The following JAKMIP1 variants were observed in gnomAD, a reference collection of about 807,000 sequenced individuals.
JAKMIP1 encodes the protein janus kinase and microtubule interacting protein 1, also known as janus kinase and microtubule-interacting protein 1.
Under a neutral mutation model 113.0 loss-of-function variants are expected in JAKMIP1, and 33 were observed. The ratio of observed to expected loss-of-function variants is 0.29; its 90% confidence interval spans 0.22 to 0.39. The LOEUF is 0.39. Among genes scored for constraint, JAKMIP1 ranks in the 10% least tolerant of loss-of-function variants. JAKMIP1 has a pLI of 1.00. For synonymous variants in JAKMIP1, 480 were observed against 459.9 expected (o/e 1.04, Z -0.56); for missense variants, 813 against 1,080.5 (o/e 0.75, Z 3.47).
intron 17 of JAKMIP1, among the ~76,000 whole-genome samples, 174 bp downstream of exon 17, chr4:6,041,985 G>A (rs774560357): frequency 2.0e-5 from 3 of 152,210 alleles, no homozygotes; most frequent in Non-Finnish European, 2.9e-5. Context: ...GTAATTGAGC[G>A]AGTGAAAGAG....
At position 6,064,946 on chromosome 4, in the gene JAKMIP1, G is replaced by T. The variant is rs143380901; in HGVS notation, c.1365C>A (p.Ser455=). The change falls in exon 9 of 21, where the codon TCC becomes TCA. Residue 455 remains serine, a synonymous_variant. Coordinates refer to ENST00000409021, the MANE Select transcript of JAKMIP1 (RefSeq NM_001099433.2). The surrounding 1 kb of genome is among the most constrained non-coding windows in gnomAD (Gnocchi z 4.3). ...TCCTGTCTGTGTTGTAGGATGTTTC[G>T]GACAACGTTTCTGAGTCCACAGACT... ...DEESVDSETL[S]ETSYNTDRTD... 6.2e-7 allele frequency: 1 copy of T among 1,613,892 alleles called. No homozygotes were observed. Among genetic ancestry groups the T allele is most frequent in the Non-Finnish European group, 8.5e-7 (1 of 1,180,022 alleles).
At position 6,176,178 on chromosome 4, in the gene JAKMIP1, G is replaced by C. The variant is rs1339946972; in HGVS notation, c.-148+24075C>G. Among the ~76,000 whole-genome samples, 1 of 152,228 alleles carries C rather than the reference G, an allele frequency of 6.6e-6. No individual in the cohort carries two copies. Among genetic ancestry groups the C allele is most frequent in the Non-Finnish European group, 1.5e-5 (1 of 68,052 alleles). Reference sequence around the variant, plus strand: ...AGGCTTGAGTTTGACTTTGAGCACAGTGGGGAGCCACGGAGAGGGTTACAC... The same window carrying C: ...AGGCTTGAGTTTGACTTTGAGCACACTGGGGAGCCACGGAGAGGGTTACAC... On this transcript the variant is annotated intron_variant, in intron 1 of 20. Transcript: ENST00000409021. The surrounding 1 kb of genome is among the most constrained non-coding windows in gnomAD (Gnocchi z 5.5).
chr4:6,072,888 G>A (rs1384356047), intron 8 of JAKMIP1, among the ~76,000 whole-genome samples: 8 of 152,034 alleles, frequency 5.3e-5, no homozygotes, highest in African/African-American at 1.7e-4. Flanking sequence ...AGACCAGCCT[G>A]GCCAATATGG....
chr4:6,186,578 G>T lies in JAKMIP1; in HGVS notation c.-148+13675C>A, dbSNP rs1002242877. Among the ~76,000 whole-genome samples, 5 of 152,132 alleles carry T rather than the reference G, an allele frequency of 3.3e-5. No individual in the cohort carries two copies. Among genetic ancestry groups the T allele is most frequent in the Non-Finnish European group, 7.4e-5 (5 of 68,016 alleles). ...CTCTCCTTTTAATTTTATTGAGGTTGTATTAGGGCCTAGCATATGGTCTAT... is the reference window on the plus strand; with the variant it reads ...CTCTCCTTTTAATTTTATTGAGGTTTTATTAGGGCCTAGCATATGGTCTAT... On this transcript the variant is annotated intron_variant, in intron 1 of 20. Coordinates refer to ENST00000409021, the MANE Select transcript of JAKMIP1 (RefSeq NM_001099433.2). This position sits in a 1 kb window ranked among gnomAD's most constrained non-coding sequence, Gnocchi z 5.5.
At chr4:6,164,847 A>T (rs1268308495) in intron 1 of JAKMIP1, among the ~76,000 whole-genome samples, 1 of 152,250 alleles carries the variant, frequency 6.6e-6, no homozygotes, top group African/African-American at 2.4e-5. Context: ...CAATCTCATG[A>T]TCAAACTTGA....
intron 11 of JAKMIP1, 98 bp from the exon 12 acceptor site, chr4:6,056,857 C>A: frequency 4.8e-6 from 4 of 824,826 alleles, no homozygotes; most frequent in South Asian, 1.3e-5. Flanking sequence ...TGAAACTGAC[C>A]ATGGAAAGGT....
intron 18 of JAKMIP1, among the ~76,000 whole-genome samples, 153 bp from the exon 19 acceptor site, chr4:6,036,260 C>T (rs1560628284): frequency 6.6e-6 from 1 of 152,164 alleles, no homozygotes; most frequent in Admixed American, 6.5e-5. Flanking sequence ...CAGCAGTGCC[C>T]GGGGGAGCAG....
In JAKMIP1 at chr4:6,141,090, A is replaced by T. The variant is rs1023028651; in HGVS notation, c.-147-28093T>A. ...CACAGCGAAGAAGCCTCAGTCAGTC[A>T]CTACCATCCTAATTGTATCGCGTAG... On this transcript the variant is annotated intron_variant, in intron 1 of 20. Coordinates refer to ENST00000409021, the MANE Select transcript of JAKMIP1 (RefSeq NM_001099433.2). The surrounding 1 kb of genome is among the most constrained non-coding windows in gnomAD (Gnocchi z 9.4). Among the ~76,000 whole-genome samples, 1 of 152,226 alleles carries T rather than the reference A, an allele frequency of 6.6e-6. No homozygotes were observed. The highest frequency in any genetic ancestry group is 1.5e-5 in the Non-Finnish European group (1 of 68,050).
intron 1 of JAKMIP1, among the ~76,000 whole-genome samples, chr4:6,127,855 C>T (rs1159752650): frequency 2.0e-5 from 3 of 152,238 alleles, no homozygotes; most frequent in Admixed American, 6.5e-5. Context: ...CAAAAACTGA[C>T]GCCCGTCTAA....
intron 1 of JAKMIP1, among the ~76,000 whole-genome samples, chr4:6,152,386 G>T (rs1265729245): frequency 2.0e-5 from 3 of 152,008 alleles, no homozygotes; most frequent in Admixed American, 6.6e-5. Flanking sequence ...TCCTAGAACC[G>T]CCCTCACCCA....
At chr4:6,159,890 C>T (rs967105473) in intron 1 of JAKMIP1, among the ~76,000 whole-genome samples, 17 of 152,252 alleles carry the variant, frequency 1.1e-4, no homozygotes, top group African/African-American at 3.4e-4. Flanking sequence ...ACCATGGGGG[C>T]CTCAGAGATG....
chr4:6,121,338 G>A (rs901867319), intron 1 of JAKMIP1, among the ~76,000 whole-genome samples: 2 of 152,138 alleles, frequency 1.3e-5, no homozygotes, highest in Non-Finnish European at 2.9e-5. Context: ...AGTGGGCTGC[G>A]TAAGGAGCAA....
chr4:6,080,387 G>T lies in JAKMIP1; in HGVS notation c.1102-75C>A. Reference sequence around the variant, plus strand: ...TTGTTAGGGACAGTGCTGGAGTGGAGCTCAGGGGTGCAGGGACAGAAGGAT... The same window carrying T: ...TTGTTAGGGACAGTGCTGGAGTGGATCTCAGGGGTGCAGGGACAGAAGGAT... On this transcript the variant is annotated intron_variant, in intron 6 of 20. Transcript: ENST00000409021. This position sits in a 1 kb window ranked among gnomAD's most constrained non-coding sequence, Gnocchi z 6.0. 1 of 1,528,576 alleles carries T rather than the reference G, an allele frequency of 6.5e-7. No individual in the cohort carries two copies. Among genetic ancestry groups the T allele is most frequent in the Non-Finnish European group, 8.9e-7 (1 of 1,125,768 alleles). The allele number at this position is 1,528,576 out of a possible 1,614,324, so 94.7% of individuals were successfully genotyped here.
chr4:6,086,769 T>G lies in JAKMIP1; in HGVS notation c.625-1140A>C, dbSNP rs555439048. On this transcript the variant is annotated intron_variant, in intron 3 of 20. Coordinates refer to ENST00000409021, the MANE Select transcript of JAKMIP1 (RefSeq NM_001099433.2). This position sits in a 1 kb window ranked among gnomAD's most constrained non-coding sequence, Gnocchi z 4.1. The stretch of plus-strand genomic sequence containing the variant: ...GCAATTAGTTAAGATGAGGTCATCC[T>G]GGAGCAGGGTGGGCCCTTATGACTG... 6.6e-6 allele frequency among the ~76,000 whole-genome samples: 1 copy of G among 152,216 alleles called. No homozygotes were observed. The highest frequency in any genetic ancestry group is 1.5e-5 in the Non-Finnish European group (1 of 68,012).
In JAKMIP1 at chr4:6,129,265, C is replaced by T. The variant is rs988904039; in HGVS notation, c.-147-16268G>A. 3.9e-5 allele frequency among the ~76,000 whole-genome samples: 6 copies of T among 152,208 alleles called. No individual in the cohort carries two copies. The highest frequency in any genetic ancestry group is 1.3e-4 in the Admixed American group (2 of 15,288). On this transcript the variant is annotated intron_variant, in intron 1 of 20. Transcript: ENST00000409021. The surrounding 1 kb of genome is among the most constrained non-coding windows in gnomAD (Gnocchi z 5.4). ...CCCCCTTCTGCAGAATCAAGTACAACTGGACAAGAGCTGGCACATGTGTGG... is the reference window on the plus strand; with the variant it reads ...CCCCCTTCTGCAGAATCAAGTACAATTGGACAAGAGCTGGCACATGTGTGG...
Position 6,033,792 on chromosome 4 carries a change from G to A in JAKMIP1, c.2379+2112C>T, listed in dbSNP as rs114455725. On this transcript the variant is annotated intron_variant, in intron 19 of 20. Coordinates refer to ENST00000409021, the MANE Select transcript of JAKMIP1 (RefSeq NM_001099433.2). The stretch of plus-strand genomic sequence containing the variant: ...TGCAGGTTTGAATTCCTTCTCTTTG[G>A]GAAAAAAAAATGTAGGTTTTGCAAT... Among the ~76,000 whole-genome samples the A allele has an allele frequency of 6.9e-3, 1,047 of 151,696 alleles. 7 individuals carry two copies. Among genetic ancestry groups the A allele is most frequent in the African/African-American group, 0.023 (973 of 41,414 alleles).
Position 6,199,728 on chromosome 4 carries a change from C to T in JAKMIP1, c.-148+525G>A, listed in dbSNP as rs942516233. 6.6e-6 allele frequency among the ~76,000 whole-genome samples: 1 copy of T among 151,366 alleles called. No individual in the cohort carries two copies. The highest frequency in any genetic ancestry group is 1.5e-5 in the Non-Finnish European group (1 of 67,806). On this transcript the variant is annotated intron_variant, in intron 1 of 20. Transcript: ENST00000409021. The surrounding 1 kb of genome is among the most constrained non-coding windows in gnomAD (Gnocchi z 5.6). Reference sequence around the variant, plus strand: ...CGGGCTGGGCGGCCTCGCCTTCGGGCCCCGCGCCGCCGGGGCGCGGCCCCC... The same window carrying T: ...CGGGCTGGGCGGCCTCGCCTTCGGGTCCCGCGCCGCCGGGGCGCGGCCCCC...
rs1726352963 is a variant in JAKMIP1 at position 6,184,006 on chromosome 4, A to C, written c.-148+16247T>G. On this transcript the variant is annotated intron_variant, in intron 1 of 20. Transcript: ENST00000409021. The surrounding 1 kb of genome is among the most constrained non-coding windows in gnomAD (Gnocchi z 4.5). ...ACTTTTCGTTTTGAAAGTTGAATTCATCAGAGCAACCTCACTGTCCTCACT... is the reference window on the plus strand; with the variant it reads ...ACTTTTCGTTTTGAAAGTTGAATTCCTCAGAGCAACCTCACTGTCCTCACT... Among the ~76,000 whole-genome samples the C allele has an allele frequency of 6.6e-6, 1 of 152,274 alleles. No individual in the cohort carries two copies. The highest frequency in any genetic ancestry group is 1.5e-5 in the Non-Finnish European group (1 of 68,044).
At chr4:6,171,012 A>C (rs998804827) in intron 1 of JAKMIP1, among the ~76,000 whole-genome samples, 47 of 148,974 alleles carry the variant, frequency 3.2e-4, no homozygotes, top group African/African-American at 1.1e-3. Flanking sequence ...CACCACTGCC[A>C]TCACCATAAT....
Sources: gnomAD v4.1 joint callset for allele counts (sites outside exome capture counted in the v4.1 genomes callset) on GRCh38, gnomAD v4.1.1 for gene constraint, Gnocchi (gnomAD v3.1) non-coding constraint, MANE v1.5 for transcripts, NCBI Gene and HGNC (gene_info 2026-07-23, HGNC 2026-07-21) for gene names.